Variants in SHB observed in about 807,000 individuals in gnomAD.
SHB encodes SH2 domain containing adaptor protein B.
SHB carries 20 observed loss-of-function variants against 52.3 expected under a neutral mutation model. The ratio of observed to expected loss-of-function variants is 0.38; its 90% confidence interval spans 0.27 to 0.56. SHB has a LOEUF of 0.56. Among genes scored for constraint, SHB ranks in the 20% least tolerant of loss-of-function variants. The pLI, the probability that SHB is intolerant of heterozygous loss-of-function variation, is 0.71. For missense variants in SHB, 825 were observed against 723.3 expected, an observed-to-expected ratio of 1.14 and a Z score of -1.61; for synonymous variants, 397 against 316.5, an observed-to-expected ratio of 1.25 and a Z score of -2.70.
intron 5 of SHB, among the ~76,000 whole-genome samples, chr9:37,940,987 G>A (rs1564083690): frequency 6.6e-6 from 1 of 152,168 alleles, no homozygotes; most frequent in East Asian, 1.9e-4. Context: ...ATTCATCCAA[G>A]GTCACACCAA....
intron 1 of SHB, among the ~76,000 whole-genome samples, chr9:38,061,186 A>C (rs1191190939): frequency 6.6e-6 from 1 of 151,826 alleles, no homozygotes; most frequent in Non-Finnish European, 1.5e-5. Flanking sequence ...CTGGCGTGTG[A>C]CTATAGTCCC....
chr9:38,047,522 T>C (rs954757034), intron 1 of SHB, among the ~76,000 whole-genome samples: 3 of 152,230 alleles, frequency 2.0e-5, no homozygotes, highest in Admixed American at 2.0e-4. Context: ...AGGGGAAAAC[T>C]GCAATCTGGC....
At chr9:38,049,681 T>C (rs1348977816) in intron 1 of SHB, among the ~76,000 whole-genome samples, 2 of 149,106 alleles carry the variant, frequency 1.3e-5, no homozygotes, top group African/African-American at 4.9e-5. Context: ...GTCAAGTGAC[T>C]TGCCCACAGT....
At chr9:38,057,547 C>T (rs541020347) in intron 1 of SHB, among the ~76,000 whole-genome samples, 6 of 152,222 alleles carry the variant, frequency 3.9e-5, no homozygotes, top group Non-Finnish European at 8.8e-5. Flanking sequence ...AGAGCACAGC[C>T]AACTTGCAAG....
rs1489591193 is a variant in SHB at position 38,068,112 on chromosome 9, G to A, written c.534C>T (p.Tyr178=). The A allele has an allele frequency of 1.4e-6, 2 of 1,471,606 alleles. No homozygotes were observed. Among genetic ancestry groups the A allele is most frequent in the Non-Finnish European group, 1.8e-6 (2 of 1,123,562 alleles). The allele number at this position is 1,471,606 out of a possible 1,614,324, so 91.2% of individuals were successfully genotyped here. A position where few individuals can be genotyped will look rare whatever the true frequency, so the allele number is the denominator to read the frequency against. ...RRPATPAEVR[Y]ISPKHRLIKV... The stretch of plus-strand genomic sequence containing the variant: ...TGATGAGGCGGTGCTTGGGGGAGAT[G>A]TAGCGCACCTCGGCCGGCGTGGCGG... Residue 178 remains tyrosine (Y), a synonymous_variant, in exon 1 of 6, where the codon TAC becomes TAT. Transcript: ENST00000377707.
chr9:37,995,702 T>A (rs1272880560), intron 2 of SHB, among the ~76,000 whole-genome samples: 1 of 152,204 alleles, frequency 6.6e-6, no homozygotes, highest in African/African-American at 2.4e-5. Context: ...GAGGGAGCAA[T>A]GAGACCAAGG....
intron 2 of SHB, among the ~76,000 whole-genome samples, chr9:37,977,098 G>A (rs1236271580): frequency 6.6e-6 from 1 of 152,068 alleles, no homozygotes; most frequent in Non-Finnish European, 1.5e-5. Context: ...TAGTAACCTG[G>A]GTGGTTACTT....
intron 2 of SHB, among the ~76,000 whole-genome samples, chr9:37,977,833 C>T (rs932260392): frequency 6.6e-5 from 10 of 152,210 alleles, no homozygotes; most frequent in African/African-American, 2.4e-4. Flanking sequence ...TTCCTCTTCA[C>T]CCTCCTTCAC....
At chr9:38,036,086 C>T (rs1821482524) in intron 1 of SHB, among the ~76,000 whole-genome samples, 1 of 152,174 alleles carries the variant, frequency 6.6e-6, no homozygotes, top group African/African-American at 2.4e-5. Flanking sequence ...AGCCCAAGAT[C>T]TTCTCCCTGC....
intron 2 of SHB, among the ~76,000 whole-genome samples, chr9:38,013,903 G>GA (rs1251493350): frequency 6.6e-6 from 1 of 152,160 alleles, no homozygotes; most frequent in East Asian, 1.9e-4. Flanking sequence ...GAAAGGAGCC[G>GA]AACCTCTCAG....
At chr9:38,054,062 TG>T (rs796796998) in intron 1 of SHB, among the ~76,000 whole-genome samples, 2 of 152,342 alleles carry the variant, frequency 1.3e-5, no homozygotes, top group African/African-American at 4.8e-5. Context: ...ACATAGAAGA[TG>T]GGGCATTCCA....
intron 1 of SHB, among the ~76,000 whole-genome samples, chr9:38,050,858 C>CAA (rs147210260): frequency 6.7e-6 from 1 of 149,780 alleles, no homozygotes; most frequent in African/African-American, 2.5e-5. Context: ...CAGGCAGATA[C>CAA]AAAAAAAAAG....
intron 2 of SHB, among the ~76,000 whole-genome samples, chr9:38,005,452 C>T (rs117555747): frequency 0.01 from 1,559 of 152,262 alleles, 17 homozygotes; most frequent in Middle Eastern, 0.034. Context: ...CCTGAGGCAC[C>T]GGCTACATTG....
intron 2 of SHB, 117 bp from the exon 3 acceptor site, chr9:37,974,954 G>C: frequency 8.2e-6 from 7 of 852,526 alleles, no homozygotes; most frequent in Non-Finnish European, 1.3e-5. Context: ...GAACGACAGA[G>C]AGACAGACCC....
chr9:38,017,204 T>TC (rs1821224008), intron 1 of SHB, among the ~76,000 whole-genome samples: 3 of 152,232 alleles, frequency 2.0e-5, no homozygotes, highest in Non-Finnish European at 4.4e-5. Context: ...TTGCCCTTTT[T>TC]GGTCACATTT....
intron 1 of SHB, among the ~76,000 whole-genome samples, chr9:38,062,977 T>A (rs2081020479): frequency 6.6e-6 from 1 of 152,174 alleles, no homozygotes; most frequent in South Asian, 2.1e-4. Flanking sequence ...CAACAGCTAA[T>A]ACAGTACTCA....
At chr9:38,051,064 GAA>G (rs753868612) in intron 1 of SHB, among the ~76,000 whole-genome samples, 4 of 152,170 alleles carry the variant, frequency 2.6e-5, no homozygotes, top group Non-Finnish European at 4.4e-5. Context: ...CCTGGATAAA[GAA>G]AAGTTTCTCT....
At chr9:38,036,169 G>A (rs1821484541) in intron 1 of SHB, among the ~76,000 whole-genome samples, 1 of 152,118 alleles carries the variant, frequency 6.6e-6, no homozygotes, top group African/African-American at 2.4e-5. Flanking sequence ...CTCAAGCCCT[G>A]CTGCCCCATA....
At chr9:37,982,975 C>G (rs932124397) in intron 2 of SHB, among the ~76,000 whole-genome samples, 1 of 150,086 alleles carries the variant, frequency 6.7e-6, no homozygotes, top group Admixed American at 6.6e-5. Context: ...TCTCTGGTGC[C>G]CCCCCCTCCA....
Sources: gnomAD v4.1 joint callset for allele counts (sites outside exome capture counted in the v4.1 genomes callset) on GRCh38, gnomAD v4.1.1 for gene constraint, MANE v1.5 for transcripts, NCBI Gene and HGNC (gene_info 2026-07-23, HGNC 2026-07-21) for gene names.